The following DLGAP1 variants were observed in gnomAD, a reference collection of about 807,000 sequenced individuals.
DLGAP1 encodes disks large-associated protein 1.
A neutral mutation model predicts 90.8 loss-of-function variants in DLGAP1; 11 were observed. The ratio of observed to expected loss-of-function variants is 0.12; its 90% CI spans 0.08 to 0.20. DLGAP1 has a LOEUF of 0.20. Ranked by LOEUF, DLGAP1 falls within the 10% of genes least tolerant of loss-of-function variation. The pLI is 1.00. For missense variants in DLGAP1, 1,050 were observed against 1,333.8 expected (o/e 0.79, Z 3.31); for synonymous variants, 558 against 540.7 (o/e 1.03, Z -0.44).
intron 11 of DLGAP1, 104 bp downstream of exon 11, chr18:3,508,466 C>A: frequency 3.0e-6 from 2 of 673,422 alleles, no homozygotes; most frequent in South Asian, 3.0e-5. Context: ...TCCAATGGAC[C>A]TTGACTTGGT....
At chr18:3,516,329 C>T (rs549910324) in intron 10 of DLGAP1, among the ~76,000 whole-genome samples, 2 of 152,014 alleles carry the variant, frequency 1.3e-5, no homozygotes, top group African/African-American at 4.8e-5. Flanking sequence ...GAAGTAAGCA[C>T]ATCATGGAGA....
chr18:4,230,969 C>T (rs979946190), intron 1 of DLGAP1, among the ~76,000 whole-genome samples: 14 of 151,850 alleles, frequency 9.2e-5, no homozygotes, highest in African/African-American at 3.4e-4. Context: ...TAAAAAGCAG[C>T]GCTGTGGTAG....
chr18:4,386,267 A>T (rs1353537570), intron 1 of DLGAP1, among the ~76,000 whole-genome samples: 1 of 152,226 alleles, frequency 6.6e-6, no homozygotes, highest in Non-Finnish European at 1.5e-5. Flanking sequence ...GACTATCTGA[A>T]GGCTAGATCC....
At chr18:4,414,515 G>C (rs2082848320) in intron 1 of DLGAP1, among the ~76,000 whole-genome samples, 1 of 152,138 alleles carries the variant, frequency 6.6e-6, no homozygotes, top group Non-Finnish European at 1.5e-5. Context: ...CTTGAAGTCA[G>C]GAGTTGCAGA....
intron 3 of DLGAP1, among the ~76,000 whole-genome samples, chr18:3,946,811 T>C (rs998877324): frequency 1.3e-5 from 2 of 152,220 alleles, no homozygotes; most frequent in African/African-American, 4.8e-5. Context: ...GAGTCACTGC[T>C]AAAATTCACC....
intron 1 of DLGAP1, among the ~76,000 whole-genome samples, chr18:4,288,775 C>T (rs936628073): frequency 3.9e-5 from 6 of 152,120 alleles, no homozygotes; most frequent in Non-Finnish European, 5.9e-5. Context: ...CATCTGCCTC[C>T]GACTAAGTGG....
At chr18:3,567,465 A>G (rs1488058374) in intron 9 of DLGAP1, 25 bp downstream of exon 9, 2 of 1,582,744 alleles carry the variant, frequency 1.3e-6, no homozygotes, top group Non-Finnish European at 1.7e-6. Flanking sequence ...TCAAGACAAA[A>G]GAGGATGCGT....
intron 2 of DLGAP1, among the ~76,000 whole-genome samples, chr18:4,108,539 T>TA (rs5822792): frequency 9.8e-4 from 146 of 149,490 alleles, no homozygotes; most frequent in African/African-American, 2.5e-3. Flanking sequence ...TATTACACAA[T>TA]AAAAAAAAAA....
At chr18:3,594,169 C>G (rs1344264185) in intron 7 of DLGAP1, 2 of 152,350 alleles carry the variant, frequency 1.3e-5, no homozygotes, top group Non-Finnish European at 2.9e-5. Flanking sequence ...TTGAAACCTA[C>G]CAAGCCGGAG....
At chr18:3,587,546 C>T (rs150708103) in intron 7 of DLGAP1, among the ~76,000 whole-genome samples, 1,989 of 152,180 alleles carry the variant, frequency 0.013, 41 homozygotes, top group African/African-American at 0.044. Context: ...AGGACGTGGG[C>T]GGGGACAAAT....
chr18:4,195,125 T>C (rs1339720388), intron 1 of DLGAP1, among the ~76,000 whole-genome samples: 1 of 152,238 alleles, frequency 6.6e-6, no homozygotes, highest in Non-Finnish European at 1.5e-5. Flanking sequence ...TAATGATTAC[T>C]GTTTTAAATA....
At chr18:4,434,600 T>TG (rs1158939597) in intron 1 of DLGAP1, among the ~76,000 whole-genome samples, 1 of 152,114 alleles carries the variant, frequency 6.6e-6, no homozygotes, top group Non-Finnish European at 1.5e-5. Context: ...TCAACTCCTC[T>TG]GGAGGAGGAA....
At chr18:4,064,528 C>G (rs2075344757) in intron 2 of DLGAP1, among the ~76,000 whole-genome samples, 1 of 151,492 alleles carries the variant, frequency 6.6e-6, no homozygotes, top group African/African-American at 2.4e-5. Context: ...ACTGACCCCA[C>G]AGAAATAGAA....
At chr18:4,357,341 A>G (rs2081543289) in intron 1 of DLGAP1, among the ~76,000 whole-genome samples, 1 of 151,206 alleles carries the variant, frequency 6.6e-6, no homozygotes, top group South Asian at 2.1e-4. Context: ...TTTAGTAGAG[A>G]TGGGGTTTCA....
At chr18:4,184,765 C>A (rs934322237) in intron 1 of DLGAP1, among the ~76,000 whole-genome samples, 1 of 152,010 alleles carries the variant, frequency 6.6e-6, no homozygotes, top group Non-Finnish European at 1.5e-5. Flanking sequence ...GTTCTGGGAT[C>A]CCCTGATACT....
At chr18:4,384,074 C>G (rs556398570) in intron 1 of DLGAP1, among the ~76,000 whole-genome samples, 1 of 152,090 alleles carries the variant, frequency 6.6e-6, no homozygotes, top group Non-Finnish European at 1.5e-5. Flanking sequence ...TCAACAGCAA[C>G]GAGACTTACT....
intron 1 of DLGAP1, among the ~76,000 whole-genome samples, chr18:4,215,046 T>C (rs2144918830): frequency 6.6e-6 from 1 of 152,302 alleles, no homozygotes; most frequent in East Asian, 1.9e-4. Flanking sequence ...TATTTTACTG[T>C]AGTATCAAAT....
intron 7 of DLGAP1, among the ~76,000 whole-genome samples, chr18:3,594,765 C>T (rs1285060546): frequency 6.6e-6 from 1 of 152,194 alleles, no homozygotes; most frequent in Non-Finnish European, 1.5e-5. Context: ...ACATCCTAGT[C>T]ACAGCCAAGG....
intron 4 of DLGAP1, among the ~76,000 whole-genome samples, chr18:3,873,169 C>G (rs921455601): frequency 3.0e-4 from 45 of 151,750 alleles, no homozygotes; most frequent in African/African-American, 1.0e-3. Flanking sequence ...TTTTTTTTCC[C>G]TTTATTAATT....
Sources: gnomAD v4.1 joint callset for allele counts (sites outside exome capture counted in the v4.1 genomes callset) on GRCh38, gnomAD v4.1.1 for gene constraint, MANE v1.5 for transcripts, NCBI Gene and HGNC (gene_info 2026-07-23, HGNC 2026-07-21) for gene names.